Variants in DHRS4 observed in about 807,000 individuals in gnomAD.
DHRS4 encodes dehydrogenase/reductase SDR family member 4.
DHRS4 carries 20 observed loss-of-function variants against 28.4 expected under a neutral mutation model. The ratio of observed to expected loss-of-function variants is 0.71; its 90% CI spans 0.50 to 1.02. The LOEUF (loss-of-function observed/expected upper bound fraction) is 1.02, where lower values mean the gene tolerates loss of function less well. Among genes scored for constraint, DHRS4 ranks in the 50% least tolerant of loss-of-function variants. The pLI is 0.00. For missense variants in DHRS4, 378 were observed against 367.2 expected (o/e 1.03, Z -0.24); for synonymous variants, 144 against 146.4 (o/e 0.98, Z 0.12).
rs373307909 is a variant in DHRS4, at chr14:23,955,198, C to T, written c.292C>T (p.Arg98Trp). 2.4e-5 allele frequency: 39 copies of T among 1,613,010 alleles called. No homozygotes were observed. Among genetic ancestry groups the T allele is most frequent in the Non-Finnish European group, 3.1e-5 (37 of 1,179,508 alleles). The change falls in exon 2 of 8, where the codon CGG (arginine) becomes TGG (tryptophan). Residue 98 changes from arginine (R) to tryptophan (W), a missense_variant. Physicochemically the swap from Arg to Trp is moderately radical, Grantham distance 101. Transcript: ENST00000313250. ...CHVGKAEDRE[R>W]LVATAVKLHG... ...TGTGGGGAAGGCGGAGGACCGGGAGCGGCTGGTGGCCACGGTGAGCTGCAG... is the reference window on the plus strand; with the variant it reads ...TGTGGGGAAGGCGGAGGACCGGGAGTGGCTGGTGGCCACGGTGAGCTGCAG...
rs757368601 is a variant in DHRS4 at position 23,966,435 on chromosome 14, T to G, written c.666+18T>G. The G allele has an allele frequency of 6.2e-7, 1 of 1,613,298 alleles. No homozygotes were observed. The highest frequency in any genetic ancestry group is 2.2e-5 in the East Asian group (1 of 44,884). The stretch of plus-strand genomic sequence containing the variant: ...GCAGGATGGTGAGGAAGGGGAGCTT[T>G]GCATTTGACTGGGACCCCTTGAAAG... On this transcript the variant is annotated intron_variant, in intron 6 of 7. Transcript: ENST00000313250.
Position 23,960,012 on chromosome 14 carries a change from G to A in DHRS4, c.408+9G>A, listed in dbSNP as rs1477089697. On this transcript the variant is annotated intron_variant, in intron 3 of 7. Transcript: ENST00000313250. ...AGGAGGTGTGGGACAAGGTGAGAGG[G>A]GATTAAAGCAGGGGGGCCGGGGGGG... is the stretch of plus-strand genomic sequence containing the variant. The A allele has an allele frequency of 1.9e-6, 3 of 1,596,668 alleles. No homozygotes were observed. Among genetic ancestry groups the A allele is most frequent in the Non-Finnish European group, 2.5e-6 (3 of 1,178,360 alleles).
intron 3 of DHRS4, among the ~76,000 whole-genome samples, chr14:23,962,760 G>A (rs1458100661): frequency 6.6e-6 from 1 of 150,890 alleles, no homozygotes; most frequent in African/African-American, 2.5e-5. Flanking sequence ...ATCTAAAATG[G>A]TGCATCCTTT....
rs1357476112 is a variant in DHRS4 at position 23,953,817 on chromosome 14, G to A, written c.29G>A (p.Cys10Tyr). 4 of 1,614,026 alleles carry A rather than the reference G, an allele frequency of 2.5e-6. No individual in the cohort carries two copies. Among genetic ancestry groups the A allele is most frequent in the Non-Finnish European group, 2.5e-6 (3 of 1,180,002 alleles). The change falls in exon 1 of 8, where the codon TGT (cysteine) becomes TAT (tyrosine). Residue 10 changes from cysteine to tyrosine, a missense_variant. Transcript: ENST00000313250. MHKAGLLGL[C>Y]ARAWNSVRMA... ...CACAAGGCGGGGCTGCTAGGCCTCT[G>A]TGCCCGGGCTTGGAATTCGGTGCGG...
At chr14:23,965,711 T>C in intron 3 of DHRS4, 51 bp from the exon 4 acceptor site, 16 of 1,471,120 alleles carry the variant, frequency 1.1e-5, no homozygotes, top group Non-Finnish European at 1.5e-5. Flanking sequence ...TTTTCATGCC[T>C]CCTCCAGTGC....
chr14:23,957,041 T>C (rs946319228), intron 2 of DHRS4, among the ~76,000 whole-genome samples: 3 of 152,170 alleles, frequency 2.0e-5, no homozygotes, highest in Non-Finnish European at 4.4e-5. Flanking sequence ...AAAGCTAATC[T>C]GGCTCTGGTA....
chr14:23,962,087 C>T (rs1239031356), intron 3 of DHRS4, among the ~76,000 whole-genome samples: 2 of 100,276 alleles, frequency 2.0e-5, no homozygotes, highest in East Asian at 3.0e-4. Context: ...AATATATATA[C>T]GTATCTTAAT....
chr14:23,968,918 T>C lies in DHRS4; in HGVS notation c.*47T>C. The C allele has an allele frequency of 3.1e-6, 5 of 1,605,534 alleles. No homozygotes were observed. The highest frequency in any genetic ancestry group is 4.3e-6 in the Non-Finnish European group (5 of 1,175,986). ...GCCAGAGTTGGGCTCTAGCTCCTGGTGCTGTTCCCGCATTCACCCACTGGC... is the reference window on the plus strand; with the variant it reads ...GCCAGAGTTGGGCTCTAGCTCCTGGCGCTGTTCCCGCATTCACCCACTGGC... On this transcript the variant is annotated 3_prime_UTR_variant, in exon 8 of 8. Coordinates refer to ENST00000313250, the MANE Select transcript of DHRS4 (RefSeq NM_021004.4).
rs201466845 is a variant in DHRS4, at chr14:23,959,889, C to T, written c.307-13C>T. On this transcript the variant is annotated splice_polypyrimidine_tract_variant and intron_variant, in intron 2 of 7. Transcript: ENST00000313250. ...TACTGCAGCCCTGGTCCAGAACTTA[C>T]CCCTCTCTCTAGGCTGTGAAGCTTC... 6.6e-4 allele frequency: 1,069 copies of T among 1,612,390 alleles called. 28 individuals are homozygous for T. In the African/African-American group the frequency reaches 0.013, roughly 20 times the overall value.
intron 2 of DHRS4, among the ~76,000 whole-genome samples, chr14:23,959,678 CATT>C (rs1007403324): frequency 2.0e-4 from 30 of 151,596 alleles, no homozygotes; most frequent in East Asian, 5.8e-4. Context: ...ATTTTGTTGT[CATT>C]GTTGTTGTTG....
Position 23,960,754 on chromosome 14 carries a change from G to C in DHRS4, c.408+751G>C, listed in dbSNP as rs28635008. 6.6e-5 allele frequency among the ~76,000 whole-genome samples: 10 copies of C among 152,138 alleles called. No homozygotes were observed. In the East Asian group the frequency reaches 7.7e-4, roughly 12 times the overall value. ...CTCCCATGGTTCTGCGTTTTACACT[G>C]ATGTTGTATTAGTCTGTTTTGCATT... is the stretch of plus-strand genomic sequence containing the variant. On this transcript the variant is annotated intron_variant, in intron 3 of 7. Coordinates refer to ENST00000313250, the MANE Select transcript of DHRS4 (RefSeq NM_021004.4).
In DHRS4 at chr14:23,953,804, C is replaced by A; in HGVS notation, c.16C>A (p.Leu6Met). ...GGTCTGATCCATGCACAAGGCGGGG[C>A]TGCTAGGCCTCTGTGCCCGGGCTTG... MHKAG[L>M]LGLCARAWNS... The change falls in exon 1 of 8, where the codon CTG becomes ATG. Residue 6 changes from leucine to methionine, a missense_variant. Transcript: ENST00000313250. 1.2e-6 allele frequency: 2 copies of A among 1,614,120 alleles called. No individual in the cohort carries two copies. Among genetic ancestry groups the A allele is most frequent in the Non-Finnish European group, 8.5e-7 (1 of 1,179,982 alleles).
At position 23,955,072 on chromosome 14, in the gene DHRS4, G is replaced by A. The variant is rs1127278; in HGVS notation, c.166G>A (p.Gly56Arg). The change falls in exon 2 of 8, where the codon GGG becomes AGG. Residue 56 changes from glycine to arginine, a missense_variant. Transcript: ENST00000313250. ...FAIARRLAQD[G>R]AHVVVSSRKQ... ...CATCGCCCGGCGTTTGGCCCAGGAC[G>A]GGGCCCATGTGGTCGTCAGCAGCCG... 4.4e-5 allele frequency: 71 copies of A among 1,613,834 alleles called. No individual in the cohort carries two copies. Among genetic ancestry groups the A allele is most frequent in the Middle Eastern group, 1.6e-4 (1 of 6,084 alleles).
chr14:23,969,075 G>GGC lies in DHRS4; in HGVS notation c.*205_*206dup. ...TGCTGTTGTTGTGGCCTTGGGTAAA[G>GGC]GCCTCCCCTGAGAACACAGGACAGG... On this transcript the variant is annotated 3_prime_UTR_variant, in exon 8 of 8. Coordinates refer to ENST00000313250, the MANE Select transcript of DHRS4 (RefSeq NM_021004.4). The GGC allele has an allele frequency of 1.0e-6, 1 of 971,180 alleles. No homozygotes were observed. The allele number at this position is 971,180 out of a possible 1,614,324, so 60.2% of individuals were successfully genotyped here.
At position 23,966,386 on chromosome 14, in the gene DHRS4, C is replaced by G. The variant is rs768515810; in HGVS notation, c.635C>G (p.Pro212Arg). Residue 212 changes from proline to arginine, a missense_variant, in exon 6 of 8, where the codon CCT (proline) becomes CGT (arginine). Transcript: ENST00000313250. Reference sequence around the variant, plus strand: ...AACATTAGGGTGAACTGCCTAGCACCTGGACTTATCAAGACTAGCTTCAGC... The same window carrying G: ...AACATTAGGGTGAACTGCCTAGCACGTGGACTTATCAAGACTAGCTTCAGC... ...PRNIRVNCLA[P>R]GLIKTSFSRM... 6.2e-7 allele frequency: 1 copy of G among 1,614,028 alleles called. No homozygotes were observed. The highest frequency in any genetic ancestry group is 1.1e-5 in the South Asian group (1 of 91,066).
intron 7 of DHRS4, among the ~76,000 whole-genome samples, 184 bp from the exon 8 acceptor site, chr14:23,968,573 T>A (rs1177252785): frequency 6.6e-6 from 1 of 151,504 alleles, no homozygotes; most frequent in Non-Finnish European, 1.5e-5. Context: ...TACAGTATGC[T>A]TATACTAAAT....
At chr14:23,958,039 T>C (rs1402183350) in intron 2 of DHRS4, among the ~76,000 whole-genome samples, 3 of 151,954 alleles carry the variant, frequency 2.0e-5, no homozygotes, top group African/African-American at 7.2e-5. Flanking sequence ...ACGGCGCACA[T>C]CACTTATTAA....
chr14:23,957,238 A>G (rs1439725214), intron 2 of DHRS4, among the ~76,000 whole-genome samples: 2 of 152,222 alleles, frequency 1.3e-5, no homozygotes, highest in Non-Finnish European at 2.9e-5. Context: ...AATGACTCTC[A>G]AGTAGTTTGT....
Position 23,968,798 on chromosome 14 carries a change from T to G in DHRS4, c.764T>G (p.Leu255Arg). 1.9e-6 allele frequency: 3 copies of G among 1,609,812 alleles called. 1 individual carries two copies. Among genetic ancestry groups the G allele is most frequent in the Non-Finnish European group, 2.5e-6 (3 of 1,178,110 alleles). ...GATTGTGCTGGCATCGTGTCTTTCC[T>G]GTGCTCTGAAGATGCCAGCTACATC... ...PEDCAGIVSFLCSEDASYITG... is the reference protein window; with the variant it reads ...PEDCAGIVSFRCSEDASYITG... The change falls in exon 8 of 8, where the codon CTG (leucine) becomes CGG (arginine). Residue 255 changes from leucine to arginine, a missense_variant. Leu to Arg is a moderately radical substitution (Grantham distance 102). Transcript: ENST00000313250.
Sources: allele counts gnomAD v4.1 joint callset (sites outside exome capture counted in the v4.1 genomes callset), GRCh38; gene constraint gnomAD v4.1.1; transcripts MANE v1.5; gene names NCBI Gene and HGNC (gene_info 2026-07-23, HGNC 2026-07-21).